The following RNF17 variants were observed in gnomAD, a reference collection of about 807,000 sequenced individuals.
RNF17 encodes spermatogenesis associated 23.
In RNF17, 31 loss-of-function variants were observed where a neutral mutation model predicts 200.5. That is an observed-to-expected ratio of 0.15 (90% CI 0.12 to 0.21). RNF17 has a LOEUF of 0.21. Among genes scored for constraint, RNF17 ranks in the 10% least tolerant of loss-of-function variants. The probability of loss-of-function intolerance (pLI) is 1.00; values close to 1 mark genes in which losing one functional copy is unlikely to be tolerated. For synonymous variants in RNF17, 606 were observed against 637.8 expected (o/e 0.95, Z 0.75); for missense variants, 1,628 against 1,905.1 (o/e 0.85, Z 2.71).
intron 8 of RNF17, 31 bp downstream of exon 8, chr13:24,789,455 C>CA: frequency 7.0e-7 from 1 of 1,423,644 alleles, no homozygotes; most frequent in Non-Finnish European, 9.9e-7. Context: ...GAGACCATAA[C>CA]AAGTATAAAG....
intron 15 of RNF17, 63 bp downstream of exon 15, chr13:24,804,492 CAAGAAT>C: frequency 2.4e-6 from 3 of 1,255,696 alleles, no homozygotes; most frequent in African/African-American, 3.0e-5. Flanking sequence ...ACATGTATAA[CAAGAAT>C]GAGTATCTAC....
At chr13:24,858,921 A>G in intron 25 of RNF17, 80 bp from the exon 26 acceptor site, 6 of 897,896 alleles carry the variant, frequency 6.7e-6, no homozygotes, top group South Asian at 3.7e-5. Flanking sequence ...TAATTATACT[A>G]CTGAAGAAAT....
chr13:24,844,574 C>T (rs533842207), intron 20 of RNF17, 78 bp from the exon 21 acceptor site: 7 of 1,159,300 alleles, frequency 6.0e-6, no homozygotes, highest in East Asian at 2.4e-5. Context: ...AATGAGCAAG[C>T]GGAGATTGTA....
Position 24,815,310 on chromosome 13 carries a change from G to A in RNF17, c.2092-10309G>A, listed in dbSNP as rs1003320880. Among the ~76,000 whole-genome samples the A allele has an allele frequency of 3.9e-5, 6 of 152,010 alleles. No individual in the cohort carries two copies. In the South Asian group the frequency reaches 1.2e-3, roughly 32 times the overall value. On this transcript the variant is annotated intron_variant, in intron 15 of 35. Coordinates refer to ENST00000255324, the MANE Select transcript of RNF17 (RefSeq NM_031277.3). ...TTTAGATGTTGTTGTAAACGGAATT[G>A]CTTTTTTAAATTTCCTCTTCAATTT...
At chr13:24,822,922 T>C (rs1184400289) in intron 15 of RNF17, among the ~76,000 whole-genome samples, 1 of 152,230 alleles carries the variant, frequency 6.6e-6, no homozygotes, top group Admixed American at 6.5e-5. Flanking sequence ...TGACACTTTG[T>C]GTCATATCTT....
intron 15 of RNF17, among the ~76,000 whole-genome samples, chr13:24,805,212 TATAC>T (rs1339976153): frequency 6.6e-6 from 1 of 152,170 alleles, no homozygotes; most frequent in African/African-American, 2.4e-5. Flanking sequence ...TATGGTAAAA[TATAC>T]ATAATATAAT....
chr13:24,775,531 G>T (rs144677342), intron 3 of RNF17, among the ~76,000 whole-genome samples: 17 of 152,134 alleles, frequency 1.1e-4, no homozygotes, highest in South Asian at 2.1e-4. Flanking sequence ...AATTACAGCC[G>T]TGAGCCACTG....
intron 34 of RNF17, 59 bp downstream of exon 34, chr13:24,877,245 A>C: frequency 6.9e-7 from 1 of 1,447,728 alleles, no homozygotes; most frequent in Non-Finnish European, 9.6e-7. Context: ...ATACTTTGTA[A>C]AGTGTTTGTT....
At chr13:24,855,753 A>G (rs530493640) in intron 25 of RNF17, among the ~76,000 whole-genome samples, 1 of 152,344 alleles carries the variant, frequency 6.6e-6, no homozygotes, top group Non-Finnish European at 1.5e-5. Flanking sequence ...CATCCTTGCT[A>G]ACACTTAATA....
chr13:24,886,818 T>G, the RNF17 span, among the ~76,000 whole-genome samples: 1 of 152,210 alleles, frequency 6.6e-6, no homozygotes, highest in Non-Finnish European at 1.5e-5. Flanking sequence ...CTACTAAGGT[T>G]GTCAACTAAT....
chr13:24,859,184 G>T lies in RNF17; in HGVS notation c.3774+20G>T. The T allele has an allele frequency of 6.5e-7, 1 of 1,549,908 alleles. No homozygotes were observed. The highest frequency in any genetic ancestry group is 8.7e-7 in the Non-Finnish European group (1 of 1,142,878). On this transcript the variant is annotated intron_variant, in intron 26 of 35. Coordinates refer to ENST00000255324, the MANE Select transcript of RNF17 (RefSeq NM_031277.3). ...GTCAGAGTGAGTCTGATATTCTTTT[G>T]TGACAATTCTAAAGCTAAATGCTAT...
chr13:24,774,686 A>G lies in RNF17; in HGVS notation c.226-127A>G, dbSNP rs150292937. 270 of 510,936 alleles carry G rather than the reference A, an allele frequency of 5.3e-4. 4 individuals carry two copies. The South Asian group carries it at 8.8e-3, about 17-fold the overall frequency. The allele number at this position is 510,936 out of a possible 1,614,324, so 31.7% of individuals were successfully genotyped here. On this transcript the variant is annotated intron_variant, in intron 2 of 35. Coordinates refer to ENST00000255324, the MANE Select transcript of RNF17 (RefSeq NM_031277.3). ...AAGCACGGTTTTCTCCTTGATTTAC[A>G]GGGGATTTCAGGATCTTTAAGGTTA... is the stretch of plus-strand genomic sequence containing the variant.
At chr13:24,877,973 G>C (rs1347174558) in intron 34 of RNF17, among the ~76,000 whole-genome samples, 1 of 152,170 alleles carries the variant, frequency 6.6e-6, no homozygotes, top group African/African-American at 2.4e-5. Context: ...TTCTGGCCCT[G>C]ATTAGATATT....
chr13:24,811,537 A>G (rs1457781229), intron 15 of RNF17, among the ~76,000 whole-genome samples: 4 of 151,712 alleles, frequency 2.6e-5, no homozygotes, highest in Admixed American at 2.0e-4. Flanking sequence ...CTAGTTATAC[A>G]TTCTTCTAAA....
chr13:24,786,850 T>G (rs1265774575), intron 6 of RNF17, among the ~76,000 whole-genome samples: 1 of 152,150 alleles, frequency 6.6e-6, no homozygotes, highest in Non-Finnish European at 1.5e-5. Flanking sequence ...ATTTATAGAT[T>G]CATGTCTCAT....
chr13:24,766,669 CAG>C lies in RNF17; in HGVS notation c.131-600_131-599del, dbSNP rs1337352172. On this transcript the variant is annotated intron_variant, in intron 1 of 35. Coordinates refer to ENST00000255324, the MANE Select transcript of RNF17 (RefSeq NM_031277.3). ...TCAGAAAGAATGTTAGACTTGGAAA[CAG>C]AGCTAGATAGGAGTCTGGATTATAC... Among the ~76,000 whole-genome samples, 7 of 152,306 alleles carry C rather than the reference CAG, an allele frequency of 4.6e-5. No homozygotes were observed. In the South Asian group the frequency reaches 1.2e-3, roughly 27 times the overall value.
chr13:24,790,834 A>G lies in RNF17; in HGVS notation c.935+1062A>G, dbSNP rs117514331. ...CAAGGTGGAAGAGCAGAAGAGCAAA[A>G]AAGGGCATAAGCTAGTTCCCTCCAG... On this transcript the variant is annotated intron_variant, in intron 9 of 35. Coordinates refer to ENST00000255324, the MANE Select transcript of RNF17 (RefSeq NM_031277.3). 3.1e-3 allele frequency among the ~76,000 whole-genome samples: 478 copies of G among 152,252 alleles called. 8 individuals are homozygous for G. Among genetic ancestry groups the G allele is most frequent in the East Asian group, 0.024 (124 of 5,170 alleles).
chr13:24,847,017 G>T (rs1044539660), intron 22 of RNF17, among the ~76,000 whole-genome samples: 4 of 123,792 alleles, frequency 3.2e-5, no homozygotes, highest in South Asian at 2.9e-4. Flanking sequence ...TAATGAACCT[G>T]TGTGTGATTT....
chr13:24,833,631 T>G (rs1412012943), intron 18 of RNF17, among the ~76,000 whole-genome samples: 1 of 152,258 alleles, frequency 6.6e-6, no homozygotes, highest in African/African-American at 2.4e-5. Flanking sequence ...TCTCACATAA[T>G]TATTTAATAC....
Sources: gnomAD v4.1 joint callset for allele counts (sites outside exome capture counted in the v4.1 genomes callset) on GRCh38, gnomAD v4.1.1 for gene constraint, MANE v1.5 for transcripts, NCBI Gene and HGNC (gene_info 2026-07-23, HGNC 2026-07-21) for gene names.